KIAA0825: variants seen among roughly 807,000 people sequenced by gnomAD.
The protein encoded by KIAA0825 is KIAA0825.
In KIAA0825, 119 loss-of-function variants were observed where a neutral mutation model predicts 147.6. That is an observed-to-expected ratio of 0.81 (90% CI 0.69 to 0.94). The LOEUF is 0.94. KIAA0825 is among the 40% of genes least tolerant of loss of function. KIAA0825 has a pLI of 0.00. For synonymous variants in KIAA0825, 470 were observed against 518.1 expected, an observed-to-expected ratio of 0.91 and a Z score of 1.26; for missense variants, 1,381 against 1,472.7, an observed-to-expected ratio of 0.94 and a Z score of 1.02.
intron 20 of KIAA0825, among the ~76,000 whole-genome samples, chr5:94,240,195 C>T (rs954534280): frequency 6.6e-6 from 1 of 152,196 alleles, no homozygotes; most frequent in Non-Finnish European, 1.5e-5. Flanking sequence ...CAAAACTCGG[C>T]TAACCCATAT....
At chr5:94,207,794 C>G (rs1004333647) in intron 20 of KIAA0825, among the ~76,000 whole-genome samples, 1 of 152,156 alleles carries the variant, frequency 6.6e-6, no homozygotes, top group African/African-American at 2.4e-5. Flanking sequence ...GGGGGGCTCG[C>G]AGTCAAACAC....
intron 13 of KIAA0825, among the ~76,000 whole-genome samples, chr5:94,440,809 G>A (rs1756983623): frequency 6.6e-6 from 1 of 152,008 alleles, no homozygotes; most frequent in Non-Finnish European, 1.5e-5. Context: ...CAATGAATCA[G>A]CAGGAGAGCA....
chr5:94,266,301 TG>T (rs1305982157), intron 20 of KIAA0825, among the ~76,000 whole-genome samples: 3 of 152,208 alleles, frequency 2.0e-5, no homozygotes, highest in Non-Finnish European at 2.9e-5. Context: ...ACAATTTCTG[TG>T]ATATTGTGTA....
At position 94,462,434 on chromosome 5, in the gene KIAA0825, CAG is replaced by C; in HGVS notation, c.2197_2198del (p.Leu733ValfsTer16). ...AAGTCAAAATGACTAATGTTGTAAACAGATTATTACAATGAGTGTGAATTTTA... is the reference window on the plus strand; with the variant it reads ...AAGTCAAAATGACTAATGTTGTAAACATTATTACAATGAGTGTGAATTTTA... ...IFKIHTHCNN[L>X]FTTLVILTSP... On this transcript the variant is annotated frameshift_variant, in exon 12 of 21. Coordinates refer to ENST00000682413, the MANE Select transcript of KIAA0825 (RefSeq NM_001145678.3). LOFTEE classifies it high-confidence loss of function. 1 of 1,488,304 alleles carries C rather than the reference CAG, an allele frequency of 6.7e-7. No individual in the cohort carries two copies. The highest frequency in any genetic ancestry group is 9.1e-7 in the Non-Finnish European group (1 of 1,094,860). 92.2% of individuals were successfully genotyped at this position (1,488,304 alleles called of 1,614,324 possible). A position where few individuals can be genotyped will look rare whatever the true frequency, so the allele number is the denominator to read the frequency against.
chr5:94,482,517 A>C (rs1347181613), intron 6 of KIAA0825, among the ~76,000 whole-genome samples: 2 of 152,086 alleles, frequency 1.3e-5, no homozygotes, highest in African/African-American at 4.8e-5. Flanking sequence ...ATTTCTAAGC[A>C]AAACATTAAC....
At chr5:94,482,002 C>T (rs563167084) in intron 6 of KIAA0825, among the ~76,000 whole-genome samples, 12 of 152,124 alleles carry the variant, frequency 7.9e-5, no homozygotes, top group African/African-American at 1.2e-4. Flanking sequence ...ATCAAATCCA[C>T]GGCCACTCCA....
At chr5:94,343,704 A>G (rs1401112332) in intron 20 of KIAA0825, among the ~76,000 whole-genome samples, 1 of 152,148 alleles carries the variant, frequency 6.6e-6, no homozygotes, top group African/African-American at 2.4e-5. Context: ...ACAAAAACAA[A>G]AAAAGAAAGT....
At chr5:94,452,817 T>C (rs1050165436) in intron 13 of KIAA0825, 142 bp downstream of exon 13, 2 of 489,122 alleles carry the variant, frequency 4.1e-6, no homozygotes, top group South Asian at 4.5e-5. Flanking sequence ...GAAATAATAC[T>C]CTTTACTTAC....
At chr5:94,189,256 T>A (rs1042664004) in intron 20 of KIAA0825, among the ~76,000 whole-genome samples, 3 of 152,118 alleles carry the variant, frequency 2.0e-5, no homozygotes, top group Non-Finnish European at 2.9e-5. Flanking sequence ...AAGAAAAAAG[T>A]TTTTAATCTT....
At chr5:94,383,902 A>C (rs1315363719) in intron 20 of KIAA0825, among the ~76,000 whole-genome samples, 1 of 151,946 alleles carries the variant, frequency 6.6e-6, no homozygotes, top group Non-Finnish European at 1.5e-5. Flanking sequence ...TGAAAAATTC[A>C]ATCATGACAG....
chr5:94,573,866 T>C (rs192651502), intron 2 of KIAA0825, among the ~76,000 whole-genome samples: 178 of 152,288 alleles, frequency 1.2e-3, no homozygotes, highest in African/African-American at 3.9e-3. Flanking sequence ...AAAGTCATGA[T>C]ATATAGAGTT....
intron 20 of KIAA0825, among the ~76,000 whole-genome samples, chr5:94,310,708 A>G (rs1175482827): frequency 6.6e-6 from 1 of 151,732 alleles, no homozygotes; most frequent in Non-Finnish European, 1.5e-5. Flanking sequence ...GTAAAAATAT[A>G]TCTGACAAAT....
At chr5:94,235,983 C>G (rs1358516675) in intron 20 of KIAA0825, among the ~76,000 whole-genome samples, 2 of 152,230 alleles carry the variant, frequency 1.3e-5, no homozygotes, top group African/African-American at 2.4e-5. Flanking sequence ...ACCTGGTCAT[C>G]CAAGAGCTCT....
intron 20 of KIAA0825, among the ~76,000 whole-genome samples, chr5:94,363,266 G>A (rs546589539): frequency 7.3e-5 from 11 of 151,216 alleles, no homozygotes; most frequent in Non-Finnish European, 1.5e-4. Context: ...TAAGAGATCC[G>A]CAAGCTTCTG....
At chr5:94,489,583 A>G (rs527816308) in intron 5 of KIAA0825, among the ~76,000 whole-genome samples, 3 of 151,868 alleles carry the variant, frequency 2.0e-5, no homozygotes, top group African/African-American at 4.8e-5. Flanking sequence ...AAAAAAAAAA[A>G]AAAACAAACT....
rs1310595201 is a variant in KIAA0825 at position 94,352,189 on chromosome 5, C to T, written c.3710+32179G>A. 1.1e-4 allele frequency among the ~76,000 whole-genome samples: 17 copies of T among 152,146 alleles called. 1 individual carries two copies. Among genetic ancestry groups the T allele is most frequent in the Non-Finnish European group, 2.5e-4 (17 of 68,016 alleles). ...ATACATCTGACAAAGGACTCATATC[C>T]AGAATTTACAAAGAACTCAAACAAA... On this transcript the variant is annotated intron_variant, in intron 20 of 20. Transcript: ENST00000682413.
intron 13 of KIAA0825, among the ~76,000 whole-genome samples, chr5:94,448,391 C>T (rs549487054): frequency 2.0e-5 from 3 of 151,780 alleles, no homozygotes; most frequent in Admixed American, 6.6e-5. Flanking sequence ...ATTTATGGTC[C>T]GTACTGCTAT....
chr5:94,332,694 T>A (rs1373081671), intron 20 of KIAA0825, among the ~76,000 whole-genome samples: 1 of 152,220 alleles, frequency 6.6e-6, no homozygotes, highest in Non-Finnish European at 1.5e-5. Context: ...TACGTGTGCA[T>A]GTGTCTTTTT....
intron 2 of KIAA0825, among the ~76,000 whole-genome samples, chr5:94,546,792 C>CAAAA (rs372542896): frequency 4.0e-5 from 2 of 49,694 alleles, no homozygotes; most frequent in Non-Finnish European, 3.7e-5. Flanking sequence ...GTCCAGGCAC[C>CAAAA]AAAAAAAAAA....
Sources: allele counts gnomAD v4.1 joint callset (sites outside exome capture counted in the v4.1 genomes callset), GRCh38; gene constraint gnomAD v4.1.1; transcripts MANE v1.5; gene names NCBI Gene and HGNC (gene_info 2026-07-23, HGNC 2026-07-21).